The following EFCAB13 variants were observed in gnomAD, a reference collection of about 807,000 sequenced individuals.
EFCAB13 encodes EF-hand calcium-binding domain-containing protein 13.
In EFCAB13, 91 loss-of-function variants were observed where a neutral mutation model predicts 110.2. The ratio of observed to expected loss-of-function variants is 0.83; its 90% CI spans 0.70 to 0.98. The LOEUF (loss-of-function observed/expected upper bound fraction) is 0.98. Among genes scored for constraint, EFCAB13 ranks in the 50% least tolerant of loss-of-function variants. EFCAB13 has a pLI of 0.00. For missense variants in EFCAB13, 968 were observed against 1,119.4 expected (o/e 0.86, Z 1.93); for synonymous variants, 323 against 369.9 (o/e 0.87, Z 1.45).
At chr17:47,382,040 G>A (rs1189643087) in intron 14 of EFCAB13, among the ~76,000 whole-genome samples, 1 of 152,080 alleles carries the variant, frequency 6.6e-6, no homozygotes, top group Non-Finnish European at 1.5e-5. Context: ...CTTGAGCAGT[G>A]GTTTGCAGTT....
At chr17:47,412,333 T>C (rs2065840428) in intron 21 of EFCAB13, among the ~76,000 whole-genome samples, 1 of 152,186 alleles carries the variant, frequency 6.6e-6, no homozygotes, top group African/African-American at 2.4e-5. Context: ...TTTTTGTAAC[T>C]AATGCATAGA....
In EFCAB13 at chr17:47,412,887, A is replaced by T; in HGVS notation, c.2393A>T (p.Asn798Ile). The change falls in exon 22 of 25, where the codon AAT becomes ATT. Residue 798 changes from asparagine (N) to isoleucine (I), a missense_variant. Physicochemically the swap from Asn to Ile is moderately radical, Grantham distance 149. Transcript: ENST00000331493. The part of the protein sequence containing the change: ...LNVNLTEEDF[N>I]EALNCCNVSD... ...GTTAATTTAACTGAGGAGGACTTCA[A>T]TGAAGCCCTTAACTGTTGTAACGTC... The T allele has an allele frequency of 6.2e-7, 1 of 1,613,780 alleles. No individual in the cohort carries two copies. The highest frequency in any genetic ancestry group is 8.5e-7 in the Non-Finnish European group (1 of 1,179,824).
At chr17:47,407,567 A>G (rs1464422275) in intron 20 of EFCAB13, among the ~76,000 whole-genome samples, 1 of 152,194 alleles carries the variant, frequency 6.6e-6, no homozygotes, top group Non-Finnish European at 1.5e-5. Context: ...ACTCCACGAA[A>G]GAAAATTGTC....
Position 47,351,933 on chromosome 17 carries a change from G to A in EFCAB13, c.661+3982G>A, listed in dbSNP as rs551847439. Among the ~76,000 whole-genome samples the A allele has an allele frequency of 4.4e-5, 6 of 135,702 alleles. No individual in the cohort carries two copies. The South Asian group carries it at 9.4e-4, about 21-fold the overall frequency. 89.0% of individuals were successfully genotyped at this position (135,702 alleles called of 152,430 possible). A position where few individuals can be genotyped will look rare whatever the true frequency, so the allele number is the denominator to read the frequency against. On this transcript the variant is annotated intron_variant, in intron 9 of 24. Transcript: ENST00000331493. Reference sequence around the variant, plus strand: ...TTTTTTTTTTTTTAGATGGAGTCTCGCTCTGTTGTCCAGGCTGGAGTGCAG... The same window carrying A: ...TTTTTTTTTTTTTAGATGGAGTCTCACTCTGTTGTCCAGGCTGGAGTGCAG...
Position 47,440,724 on chromosome 17 carries a change from C to T in EFCAB13, c.*10C>T, listed in dbSNP as rs562519430. 2 of 1,528,796 alleles carry T rather than the reference C, an allele frequency of 1.3e-6. No homozygotes were observed. The highest frequency in any genetic ancestry group is 2.8e-5 in the African/African-American group (2 of 72,026). 94.7% of individuals were successfully genotyped at this position (1,528,796 alleles called of 1,614,324 possible). A position where few individuals can be genotyped will look rare whatever the true frequency, so the allele number is the denominator to read the frequency against. ...AAACTCAAAATTTTAGGTAGTCTTA[C>T]TTGATAGTGCTAGAAAATTACTAGA... On this transcript the variant is annotated 3_prime_UTR_variant, in exon 25 of 25. Coordinates refer to ENST00000331493, the MANE Select transcript of EFCAB13 (RefSeq NM_152347.5).
intron 17 of EFCAB13, among the ~76,000 whole-genome samples, chr17:47,400,756 T>G (rs2065774538): frequency 6.6e-6 from 1 of 151,016 alleles, no homozygotes; most frequent in Non-Finnish European, 1.5e-5. Context: ...TGATTATACA[T>G]ACCAAGAACT....
chr17:47,412,637 GA>G, intron 21 of EFCAB13, 135 bp from the exon 22 acceptor site: 1 of 905,420 alleles, frequency 1.1e-6, no homozygotes, highest in Non-Finnish European at 1.6e-6. Flanking sequence ...GTTACAAATA[GA>G]AAATATTGTG....
intron 9 of EFCAB13, among the ~76,000 whole-genome samples, chr17:47,355,389 T>G (rs1369837682): frequency 6.6e-6 from 1 of 152,164 alleles, no homozygotes; most frequent in Non-Finnish European, 1.5e-5. Context: ...ATTTCTCAGG[T>G]GTTCTTTGAG....
intron 13 of EFCAB13, among the ~76,000 whole-genome samples, chr17:47,378,682 T>C (rs963294282): frequency 6.6e-6 from 1 of 152,138 alleles, no homozygotes; most frequent in African/African-American, 2.4e-5. Flanking sequence ...GGTTTATATC[T>C]AAAAATAGGT....
chr17:47,430,073 G>C, intron 24 of EFCAB13, 112 bp downstream of exon 24: 1 of 1,396,682 alleles, frequency 7.2e-7, no homozygotes, highest in Non-Finnish European at 9.4e-7. Flanking sequence ...GCTGAGGTGG[G>C]ATGACTGCTG....
At chr17:47,402,457 G>A (rs2065784226) in intron 18 of EFCAB13, among the ~76,000 whole-genome samples, 1 of 152,182 alleles carries the variant, frequency 6.6e-6, no homozygotes, top group South Asian at 2.1e-4. Flanking sequence ...AGAACTTGGA[G>A]GAGCCAAGAG....
At chr17:47,354,828 A>G (rs1446274547) in intron 9 of EFCAB13, among the ~76,000 whole-genome samples, 1 of 152,176 alleles carries the variant, frequency 6.6e-6, no homozygotes, top group Non-Finnish European at 1.5e-5. Context: ...CCATTCTGCC[A>G]TTCTCTGTCT....
At chr17:47,404,770 A>AG in intron 20 of EFCAB13, 137 bp downstream of exon 20, 1 of 488,350 alleles carries the variant, frequency 2.0e-6, no homozygotes, top group Non-Finnish European at 3.5e-6. Flanking sequence ...GTGTACTTGA[A>AG]CACTTTCAGT....
intron 17 of EFCAB13, among the ~76,000 whole-genome samples, chr17:47,400,869 C>T (rs1288125696): frequency 1.3e-5 from 2 of 152,154 alleles, no homozygotes; most frequent in African/African-American, 2.4e-5. Context: ...TAATTAAGAG[C>T]GTCTTTATAT....
chr17:47,340,431 G>A (rs2065377368), intron 5 of EFCAB13, among the ~76,000 whole-genome samples: 1 of 152,010 alleles, frequency 6.6e-6, no homozygotes, highest in Non-Finnish European at 1.5e-5. Context: ...GTTTGAAACT[G>A]TAGTGTCTAT....
chr17:47,438,827 C>T (rs1905259193), intron 24 of EFCAB13, among the ~76,000 whole-genome samples: 1 of 152,078 alleles, frequency 6.6e-6, no homozygotes, highest in Middle Eastern at 3.2e-3. Flanking sequence ...GGATCCATTA[C>T]TGGTGAACTA....
In EFCAB13 at chr17:47,394,028, C is replaced by T; in HGVS notation, c.1730C>T (p.Thr577Ile). ...AATGTGTTTCTTTTTCCTGTAGAAACAAAAAAAGTGAATTTTAAAGAATTC... is the reference window on the plus strand; with the variant it reads ...AATGTGTTTCTTTTTCCTGTAGAAATAAAAAAAGTGAATTTTAAAGAATTC... ...KITELTEAGE[T>I]KKVNFKEFID... Residue 577 changes from threonine (T) to isoleucine (I), a missense_variant, in exon 16 of 25, where the codon ACA becomes ATA. Physicochemically the swap from Thr to Ile is moderately conservative, Grantham distance 89. Coordinates refer to ENST00000331493, the MANE Select transcript of EFCAB13 (RefSeq NM_152347.5). 1 of 1,532,814 alleles carries T rather than the reference C, an allele frequency of 6.5e-7. No homozygotes were observed. The highest frequency in any genetic ancestry group is 1.3e-5 in the South Asian group (1 of 74,498). The allele number at this position is 1,532,814 out of a possible 1,614,324, so 95.0% of individuals were successfully genotyped here.
chr17:47,409,501 A>AATGG (rs2065822335), intron 20 of EFCAB13, 146 bp from the exon 21 acceptor site: 1 of 650,862 alleles, frequency 1.5e-6, no homozygotes, highest in Admixed American at 2.3e-5. Context: ...GGAGCCAGGG[A>AATGG]ACAACTTTTG....
chr17:47,401,732 C>T (rs1305794447), intron 17 of EFCAB13, among the ~76,000 whole-genome samples: 1 of 149,396 alleles, frequency 6.7e-6, no homozygotes, highest in Non-Finnish European at 1.5e-5. Flanking sequence ...GCAACCTCCA[C>T]CTCCCCAGTT....
Sources: gnomAD v4.1 joint callset for allele counts (sites outside exome capture counted in the v4.1 genomes callset) on GRCh38, gnomAD v4.1.1 for gene constraint, MANE v1.5 for transcripts, NCBI Gene and HGNC (gene_info 2026-07-23, HGNC 2026-07-21) for gene names.